Variants in TTC28 observed in about 807,000 individuals in gnomAD.
TTC28 encodes tetratricopeptide repeat domain 28.
Under a neutral mutation model 198.0 loss-of-function variants are expected in TTC28, and 61 were observed. The observed-to-expected ratio is 0.31, with a 90% CI of 0.25 to 0.38. The LOEUF is 0.38. TTC28 is among the 10% of genes least tolerant of loss of function. The pLI, the probability that TTC28 is intolerant of heterozygous loss-of-function variation, is 1.00. For synonymous variants in TTC28, 1,171 were observed against 1,297.8 expected, an observed-to-expected ratio of 0.90 and a Z score of 2.10; for missense variants, 2,678 against 3,164.0, an observed-to-expected ratio of 0.85 and a Z score of 3.69.
chr22:28,259,138 T>G (rs1931152636), intron 5 of TTC28, among the ~76,000 whole-genome samples: 1 of 152,144 alleles, frequency 6.6e-6, no homozygotes, highest in Admixed American at 6.6e-5. Context: ...ACAGTTCTTT[T>G]GAAGCAATTT....
chr22:27,983,300 G>A lies in TTC28; in HGVS notation c.6367C>T (p.Gln2123Ter). ...TLIPSPNSPF[Q>*]KVGKLASSDT... ...GAGCTTGCTAGTTTTCCCACCTTTT[G>A]GAAGGGTGAGTTGGGGCTGGGAATC... The change falls in exon 23 of 23, where the codon CAA (glutamine) becomes TAA (stop). Residue 2123 changes from glutamine to a stop codon, truncating the protein, a stop_gained. Coordinates refer to ENST00000397906, the MANE Select transcript of TTC28 (RefSeq NM_001145418.2). LOFTEE classifies it low-confidence loss of function (END_TRUNC). 1 of 1,552,040 alleles carries A rather than the reference G, an allele frequency of 6.4e-7. No homozygotes were observed. Among genetic ancestry groups the A allele is most frequent in the South Asian group, 1.2e-5 (1 of 84,050 alleles).
In TTC28 at chr22:28,101,249, T is replaced by C. The variant is rs1364359235; in HGVS notation, c.3339A>G (p.Arg1113=). The C allele has an allele frequency of 6.4e-7, 1 of 1,551,678 alleles. No individual in the cohort carries two copies. The highest frequency in any genetic ancestry group is 1.4e-5 in the African/African-American group (1 of 73,188). The part of the protein sequence containing the change: ...GLRLAEQLGR[R]EDEAKIRHGL... The stretch of plus-strand genomic sequence containing the variant: ...CATGGCGAATTTTTGCCTCATCTTC[T>C]CTTCGGCCCAGTTGCTCAGCTAACC... Residue 1113 remains arginine (R), a synonymous_variant, in exon 9 of 23, where the codon AGA becomes AGG. Transcript: ENST00000397906.
intron 5 of TTC28, among the ~76,000 whole-genome samples, chr22:28,250,354 T>C (rs1297734908): frequency 6.6e-6 from 1 of 152,200 alleles, no homozygotes; most frequent in African/African-American, 2.4e-5. Flanking sequence ...ACATCTCTCA[T>C]AAGATTTTTA....
At chr22:28,065,079 G>A (rs1940699970) in intron 12 of TTC28, among the ~76,000 whole-genome samples, 1 of 152,160 alleles carries the variant, frequency 6.6e-6, no homozygotes, top group Non-Finnish European at 1.5e-5. Flanking sequence ...AATGCCACTG[G>A]TATTCCACCC....
chr22:28,307,063 C>T (rs1231875074), intron 2 of TTC28, among the ~76,000 whole-genome samples: 1 of 151,978 alleles, frequency 6.6e-6, no homozygotes, highest in Non-Finnish European at 1.5e-5. Flanking sequence ...TTTCTATTTC[C>T]CCCTCTTAAA....
chr22:28,626,775 T>C (rs999275260), intron 2 of TTC28, among the ~76,000 whole-genome samples: 2 of 152,006 alleles, frequency 1.3e-5, no homozygotes, highest in Non-Finnish European at 2.9e-5. Context: ...AATATAGAAC[T>C]AAAATATTAA....
chr22:28,093,362 T>G (rs933609939), intron 12 of TTC28, among the ~76,000 whole-genome samples: 2 of 152,152 alleles, frequency 1.3e-5, no homozygotes, highest in African/African-American at 4.8e-5. Context: ...CAAGCTAACA[T>G]AGCAGATTCT....
intron 5 of TTC28, among the ~76,000 whole-genome samples, chr22:28,292,119 T>C (rs998752957): frequency 3.3e-5 from 5 of 152,154 alleles, no homozygotes; most frequent in East Asian, 1.9e-4. Context: ...TGTTATGTAA[T>C]TGTTATACAT....
chr22:28,476,771 T>C (rs1568968521), intron 2 of TTC28, among the ~76,000 whole-genome samples: 1 of 152,180 alleles, frequency 6.6e-6, no homozygotes, highest in Non-Finnish European at 1.5e-5. Context: ...AATTACACTC[T>C]TAAGTATTTG....
chr22:28,015,680 C>G (rs1179919142), intron 13 of TTC28, among the ~76,000 whole-genome samples: 1 of 151,998 alleles, frequency 6.6e-6, no homozygotes, highest in African/African-American at 2.4e-5. Flanking sequence ...CCCACCTTGG[C>G]CTCCTAAAGT....
At chr22:28,292,334 T>C (rs781466299) in intron 5 of TTC28, among the ~76,000 whole-genome samples, 1 of 152,132 alleles carries the variant, frequency 6.6e-6, no homozygotes, top group Non-Finnish European at 1.5e-5. Flanking sequence ...ATTACAGGCA[T>C]GTGTCACCAC....
chr22:28,061,278 A>C (rs1263550352), intron 12 of TTC28, among the ~76,000 whole-genome samples: 1 of 152,240 alleles, frequency 6.6e-6, no homozygotes, highest in Admixed American at 6.5e-5. Flanking sequence ...TGTTTTAGAC[A>C]TGAAGTCCTT....
intron 2 of TTC28, among the ~76,000 whole-genome samples, chr22:28,428,253 C>G (rs537840570): frequency 6.6e-6 from 1 of 151,952 alleles, no homozygotes; most frequent in East Asian, 1.9e-4. Context: ...AAGCTATGGA[C>G]AACAATATAA....
rs940814813 is a variant in TTC28 at position 28,619,400 on chromosome 22, T to A, written c.381+10152A>T. Among the ~76,000 whole-genome samples, 4 of 152,314 alleles carry A rather than the reference T, an allele frequency of 2.6e-5. No individual in the cohort carries two copies. In the South Asian group the frequency reaches 8.3e-4, roughly 32 times the overall value. On this transcript the variant is annotated intron_variant, in intron 2 of 22. Transcript: ENST00000397906. Reference sequence around the variant, plus strand: ...TAAGGAGGAACAAACCTAGATTGAATTCCAAAGTACTAGCAGACTTCACTT... The same window carrying A: ...TAAGGAGGAACAAACCTAGATTGAAATCCAAAGTACTAGCAGACTTCACTT...
chr22:28,252,559 C>T (rs759779510), intron 5 of TTC28, among the ~76,000 whole-genome samples: 7 of 152,160 alleles, frequency 4.6e-5, no homozygotes, highest in South Asian at 2.1e-4. Context: ...ATAAGTTAGA[C>T]GCTAGGATCC....
chr22:28,549,239 G>A (rs750704755), intron 2 of TTC28, among the ~76,000 whole-genome samples: 1 of 151,984 alleles, frequency 6.6e-6, no homozygotes, highest in Non-Finnish European at 1.5e-5. Flanking sequence ...ATGTTGGCCA[G>A]GCTGGTCTCA....
At chr22:28,294,530 G>A (rs1044855941) in intron 5 of TTC28, among the ~76,000 whole-genome samples, 1 of 150,676 alleles carries the variant, frequency 6.6e-6, no homozygotes, top group Non-Finnish European at 1.5e-5. Flanking sequence ...CACCTTGAAG[G>A]TTAGGAAAAA....
chr22:28,252,656 C>T (rs963313840), intron 5 of TTC28, among the ~76,000 whole-genome samples: 11 of 152,148 alleles, frequency 7.2e-5, no homozygotes, highest in African/African-American at 2.2e-4. Context: ...GGGAAAGACT[C>T]GGGTTTGTGT....
chr22:28,574,664 T>C (rs1043315310), intron 2 of TTC28, among the ~76,000 whole-genome samples: 5 of 152,206 alleles, frequency 3.3e-5, no homozygotes, highest in Non-Finnish European at 7.3e-5. Flanking sequence ...AGTTCCCTTT[T>C]CTCCATATAC....
Sources: gnomAD v4.1 joint callset for allele counts (sites outside exome capture counted in the v4.1 genomes callset) on GRCh38, gnomAD v4.1.1 for gene constraint, MANE v1.5 for transcripts, NCBI Gene and HGNC (gene_info 2026-07-23, HGNC 2026-07-21) for gene names.